The following CBLB variants were observed in gnomAD, a reference collection of about 807,000 sequenced individuals.
The protein encoded by CBLB is Cbl proto-oncogene B, also known as E3 ubiquitin-protein ligase CBL-B.
A neutral mutation model predicts 104.9 loss-of-function variants in CBLB; 31 were observed. That is an observed-to-expected ratio of 0.30 (90% CI 0.22 to 0.40). CBLB has a LOEUF of 0.40. Ranked by LOEUF, CBLB falls within the 10% of genes least tolerant of loss-of-function variation. The pLI, the probability that CBLB is intolerant of heterozygous loss-of-function variation, is 1.00. For synonymous variants in CBLB, 440 were observed against 422.6 expected, an observed-to-expected ratio of 1.04 and a Z score of -0.51; for missense variants, 1,062 against 1,214.6, an observed-to-expected ratio of 0.87 and a Z score of 1.87.
At chr3:105,659,691 G>A (rs2063591516) in intron 18 of CBLB, among the ~76,000 whole-genome samples, 1 of 152,098 alleles carries the variant, frequency 6.6e-6, no homozygotes, top group Non-Finnish European at 1.5e-5. Context: ...AACAGCCATG[G>A]CAGAACGTCC....
Position 105,657,336 on chromosome 3 carries a change from A to G in CBLB, c.*1634T>C, listed in dbSNP as rs900293313. On this transcript the variant is annotated 3_prime_UTR_variant, in exon 19 of 19. Coordinates refer to ENST00000394030, the MANE Select transcript of CBLB (RefSeq NM_170662.5). ...ATCATGGTGGGTGTGAAGTGAAAAG[A>G]GGAGACACAGAAATATGCACAAACC... 9.2e-6 allele frequency: 2 copies of G among 217,786 alleles called. No homozygotes were observed. The highest frequency in any genetic ancestry group is 4.5e-5 in the African/African-American group (2 of 44,496). The allele number at this position is 217,786 out of a possible 1,614,324, so 13.5% of individuals were successfully genotyped here. A position where few individuals can be genotyped will look rare whatever the true frequency, so the allele number is the denominator to read the frequency against.
At chr3:105,844,425 G>A (rs896501595) in intron 3 of CBLB, among the ~76,000 whole-genome samples, 7 of 152,198 alleles carry the variant, frequency 4.6e-5, no homozygotes, top group African/African-American at 1.7e-4. Context: ...CATTTCAATA[G>A]AACATCTAAA....
chr3:105,739,189 C>T (rs889470474), intron 7 of CBLB, among the ~76,000 whole-genome samples: 3 of 152,166 alleles, frequency 2.0e-5, no homozygotes, highest in African/African-American at 2.4e-5. Context: ...GGATTACAGG[C>T]GTAAGCCACC....
chr3:105,816,729 A>G (rs1271180593), intron 3 of CBLB, among the ~76,000 whole-genome samples: 1 of 152,204 alleles, frequency 6.6e-6, no homozygotes, highest in Non-Finnish European at 1.5e-5. Context: ...TTGAAAGTTG[A>G]AGTATCACCT....
At chr3:105,794,424 C>A (rs9811776) in intron 3 of CBLB, among the ~76,000 whole-genome samples, 26,050 of 152,072 alleles carry the variant, frequency 0.17, 2,619 homozygotes, top group Admixed American at 0.28. Flanking sequence ...GAGTCAGCAG[C>A]ATATTTTTAA....
At chr3:105,709,242 A>G (rs898623349) in intron 10 of CBLB, among the ~76,000 whole-genome samples, 13 of 151,994 alleles carry the variant, frequency 8.6e-5, no homozygotes, top group African/African-American at 3.1e-4. Context: ...AAAGGGTCTT[A>G]AACACAAAAA....
intron 3 of CBLB, among the ~76,000 whole-genome samples, chr3:105,851,081 A>G (rs922810168): frequency 6.6e-6 from 1 of 152,198 alleles, no homozygotes; most frequent in Admixed American, 6.5e-5. Context: ...CTACACACAA[A>G]TATTTATTGC....
intron 10 of CBLB, among the ~76,000 whole-genome samples, chr3:105,705,699 C>G (rs1425564471): frequency 6.6e-6 from 1 of 152,284 alleles, no homozygotes; most frequent in East Asian, 1.9e-4. Flanking sequence ...ATTACCTGAC[C>G]GTGGTATTGT....
rs141901857 is a variant in CBLB, at chr3:105,718,580, T to G, written c.1407+1467A>C. On this transcript the variant is annotated intron_variant, in intron 10 of 18. Transcript: ENST00000394030. ...AGATAGATGAATACGGTGAATACAATCTGATGCCATTACACATTATCATCA... is the reference window on the plus strand; with the variant it reads ...AGATAGATGAATACGGTGAATACAAGCTGATGCCATTACACATTATCATCA... Among the ~76,000 whole-genome samples, 18 of 152,286 alleles carry G rather than the reference T, an allele frequency of 1.2e-4. 2 individuals carry two copies. In the East Asian group the frequency reaches 3.5e-3, roughly 29 times the overall value.
At chr3:105,822,518 T>C (rs916617187) in intron 3 of CBLB, among the ~76,000 whole-genome samples, 1 of 152,206 alleles carries the variant, frequency 6.6e-6, no homozygotes, top group Non-Finnish European at 1.5e-5. Flanking sequence ...TTACATTTGC[T>C]GGGAGGTTAT....
chr3:105,754,834 T>C (rs1054216758), intron 4 of CBLB, among the ~76,000 whole-genome samples: 1 of 152,164 alleles, frequency 6.6e-6, no homozygotes, highest in Non-Finnish European at 1.5e-5. Context: ...CACCTATCTA[T>C]TACACAGAAA....
Position 105,670,316 on chromosome 3 carries a change from A to G in CBLB, c.2606T>C (p.Leu869Ser), listed in dbSNP as rs2064935328. 6.2e-7 allele frequency: 1 copy of G among 1,610,246 alleles called. No homozygotes were observed. The highest frequency in any genetic ancestry group is 8.5e-7 in the Non-Finnish European group (1 of 1,176,710). ...FVDLASGQVPLPPARRLPGEN... is the reference protein window; with the variant it reads ...FVDLASGQVPSPPARRLPGEN... Reference sequence around the variant, plus strand: ...ACCTGGTAACCTTCTAGCAGGAGGCAAAGGAACTTGGCCACTTGCTAGATC... The same window carrying G: ...ACCTGGTAACCTTCTAGCAGGAGGCGAAGGAACTTGGCCACTTGCTAGATC... Residue 869 changes from leucine to serine, a missense_variant, in exon 18 of 19, where the codon TTG becomes TCG. This residue lies in a region of CBLB where 605 missense variants were observed against 582.6 expected (regional missense o/e 1.04). Transcript: ENST00000394030.
intron 5 of CBLB, among the ~76,000 whole-genome samples, chr3:105,747,976 A>G (rs1486909642): frequency 6.6e-6 from 1 of 152,224 alleles, no homozygotes; most frequent in Non-Finnish European, 1.5e-5. Flanking sequence ...TATTTATGTA[A>G]TAGAATGAGT....
chr3:105,670,091 A>T, intron 18 of CBLB, 142 bp downstream of exon 18: 1 of 727,660 alleles, frequency 1.4e-6, no homozygotes, highest in Non-Finnish European at 2.3e-6. Flanking sequence ...CCAGCTTTAT[A>T]AGCAAAATGC....
At position 105,693,495 on chromosome 3, in the gene CBLB, T is replaced by C. The variant is rs2067976790; in HGVS notation, c.2053A>G (p.Lys685Glu). The C allele has an allele frequency of 6.2e-7, 1 of 1,602,836 alleles. No individual in the cohort carries two copies. The highest frequency in any genetic ancestry group is 1.7e-5 in the Admixed American group (1 of 59,890). The change falls in exon 13 of 19, where the codon AAG becomes GAG. Residue 685 changes from lysine to glutamate, a missense_variant and splice_region_variant. Around this residue, in one of 2 missense-constraint regions of CBLB, gnomAD observed 605 missense variants for 582.6 expected, o/e 1.04. Coordinates refer to ENST00000394030, the MANE Select transcript of CBLB (RefSeq NM_170662.5). ...PPVTTLLPSIKCTGPLANSLS... is the reference protein window; with the variant it reads ...PPVTTLLPSIECTGPLANSLS... ...ATCTCCAAATTCAACAAAACTCACT[T>C]TATGCTAGGGAGGAGGGTGGTAACT...
chr3:105,679,817 A>G (rs1488845082), intron 16 of CBLB, among the ~76,000 whole-genome samples: 1 of 152,206 alleles, frequency 6.6e-6, no homozygotes, highest in Non-Finnish European at 1.5e-5. Context: ...TGCTTTAGAA[A>G]AAATTGGCAC....
chr3:105,792,060 T>C (rs1207682593), intron 3 of CBLB, among the ~76,000 whole-genome samples: 1 of 152,188 alleles, frequency 6.6e-6, no homozygotes, highest in East Asian at 1.9e-4. Flanking sequence ...ACCATCAGCA[T>C]AGCAATTACC....
At position 105,655,614 on chromosome 3, in the gene CBLB, T is replaced by A. The variant is rs1402481106; in HGVS notation, c.*3356A>T. 5.4e-6 allele frequency: 1 copy of A among 186,664 alleles called. No individual in the cohort carries two copies. Among genetic ancestry groups the A allele is most frequent in the Non-Finnish European group, 1.1e-5 (1 of 88,332 alleles). The allele number at this position is 186,664 out of a possible 1,614,324, so 11.6% of individuals were successfully genotyped here. A position where few individuals can be genotyped will look rare whatever the true frequency, so the allele number is the denominator to read the frequency against. On this transcript the variant is annotated 3_prime_UTR_variant, in exon 19 of 19. Transcript: ENST00000394030. The stretch of plus-strand genomic sequence containing the variant: ...TCACACAAGTTTTAAAAAGGCATTT[T>A]AAAAAACAATAAAATAGTAATTGGG...
chr3:105,665,897 T>G (rs1455231510), intron 18 of CBLB, among the ~76,000 whole-genome samples: 5 of 151,328 alleles, frequency 3.3e-5, no homozygotes, highest in African/African-American at 1.2e-4. Flanking sequence ...GGCATGGTGG[T>G]GGGCGCCTGT....
Sources: gnomAD v4.1 joint callset for allele counts (sites outside exome capture counted in the v4.1 genomes callset) on GRCh38, gnomAD v4.1.1 for gene constraint, gnomAD v4.1.1 regional missense constraint, MANE v1.5 for transcripts, NCBI Gene and HGNC (gene_info 2026-07-23, HGNC 2026-07-21) for gene names.